WLS: variants seen among roughly 807,000 people sequenced by gnomAD.
WLS encodes protein wntless homolog.
A neutral mutation model predicts 62.8 loss-of-function variants in WLS; 23 were observed. The observed-to-expected ratio is 0.37, with a 90% confidence interval of 0.26 to 0.52. WLS has a LOEUF of 0.52. Among genes scored for constraint, WLS ranks in the 20% least tolerant of loss-of-function variants. The pLI, the probability that WLS is intolerant of heterozygous loss-of-function variation, is 0.92. For missense variants in WLS, 615 were observed against 697.3 expected (o/e 0.88, Z 1.33); for synonymous variants, 246 against 244.1 (o/e 1.01, Z -0.07).
chr1:68,200,582 T>C (rs1375251138), intron 1 of WLS, among the ~76,000 whole-genome samples: 8 of 150,108 alleles, frequency 5.3e-5, no homozygotes, highest in African/African-American at 5.0e-5. Context: ...TTTTTTTTTT[T>C]CCAGCTATTG....
At chr1:68,116,834 GC>G (rs1646298724) in intron 11 of WLS, among the ~76,000 whole-genome samples, 1 of 152,052 alleles carries the variant, frequency 6.6e-6, no homozygotes, top group South Asian at 2.1e-4. Flanking sequence ...GTTTATCTTG[GC>G]CAGCAGAGGG....
intron 2 of WLS, chr1:68,183,435 T>G: frequency 2.3e-6 from 1 of 425,726 alleles, no homozygotes; most frequent in Non-Finnish European, 4.8e-6. Flanking sequence ...GCAGGGATAG[T>G]TCTTATAGTG....
rs1239289059 is a variant in WLS, at chr1:68,155,120, C to T, written c.645G>A (p.Glu215=). The change falls in exon 4 of 12, where the codon GAG becomes GAA. Residue 215 remains glutamate (E), a synonymous_variant. Coordinates refer to ENST00000262348, the MANE Select transcript of WLS (RefSeq NM_024911.7). ...EKKKINVGIG[E]IKDIRLVGIH... ...TTACCACCAACCGGATATCCTTTAT[C>T]TCCCCAATTCCCACATTGATTTTCT... 6.2e-7 allele frequency: 1 copy of T among 1,613,870 alleles called. No homozygotes were observed. The highest frequency in any genetic ancestry group is 1.7e-5 in the Admixed American group (1 of 59,998).
At chr1:68,142,962 C>T (rs1646705421) in intron 10 of WLS, 1 of 152,110 alleles carries the variant, frequency 6.6e-6, no homozygotes, top group African/African-American at 2.4e-5. Context: ...GTTAGTACTA[C>T]TGTGATTTTC....
At chr1:68,187,250 AT>A (rs956012585) in intron 2 of WLS, among the ~76,000 whole-genome samples, 22 of 149,520 alleles carry the variant, frequency 1.5e-4, no homozygotes, top group Non-Finnish European at 2.5e-4. Flanking sequence ...CATGAAAAGT[AT>A]TTTTTGGTGT....
chr1:68,221,919 G>A (rs1354671375), intron 1 of WLS, among the ~76,000 whole-genome samples: 1 of 152,144 alleles, frequency 6.6e-6, no homozygotes, highest in Non-Finnish European at 1.5e-5. Context: ...GCCTTATTTT[G>A]GCAATGTGAA....
chr1:68,162,811 TTTTC>T, intron 2 of WLS: 1 of 1,247,504 alleles, frequency 8.0e-7, no homozygotes, highest in Non-Finnish European at 1.2e-6. Context: ...GGCCTTAAAC[TTTTC>T]TAGGTCCTCC....
At chr1:68,161,743 G>A (rs150861303) in intron 2 of WLS, 42,616 of 1,567,436 alleles carry the variant, frequency 0.027, 710 homozygotes, top group Middle Eastern at 0.064. Flanking sequence ...ATTACCTTCC[G>A]GCATTCTCTG....
intron 1 of WLS, among the ~76,000 whole-genome samples, chr1:68,223,963 C>T (rs1358125069): frequency 6.6e-6 from 1 of 152,218 alleles, no homozygotes; most frequent in Non-Finnish European, 1.5e-5. Flanking sequence ...AAAACTGAGT[C>T]AACCATTTAC....
At chr1:68,162,711 C>A in intron 2 of WLS, 4 of 1,195,604 alleles carry the variant, frequency 3.3e-6, no homozygotes, top group Non-Finnish European at 5.0e-6. Flanking sequence ...CGGCTGCAGA[C>A]GGGATATTGC....
chr1:68,217,843 C>T (rs1333873720), intron 1 of WLS, among the ~76,000 whole-genome samples: 1 of 152,202 alleles, frequency 6.6e-6, no homozygotes, highest in Non-Finnish European at 1.5e-5. Flanking sequence ...CCACCGCCCC[C>T]TGCTTCATTA....
chr1:68,127,532 A>C (rs1235901861), intron 11 of WLS, among the ~76,000 whole-genome samples: 2 of 151,842 alleles, frequency 1.3e-5, no homozygotes, highest in Non-Finnish European at 2.9e-5. Flanking sequence ...ATGTATAAAC[A>C]ACAAAGGGAA....
At chr1:68,138,321 G>A (rs565514938) in intron 10 of WLS, 4 of 203,862 alleles carry the variant, frequency 2.0e-5, no homozygotes, top group Non-Finnish European at 4.0e-5. Flanking sequence ...CCTGCAGGCA[G>A]AGACCAGTTC....
intron 11 of WLS, among the ~76,000 whole-genome samples, chr1:68,117,137 C>T (rs1457463958): frequency 6.6e-6 from 1 of 152,092 alleles, no homozygotes; most frequent in Non-Finnish European, 1.5e-5. Flanking sequence ...CATATTTCCC[C>T]CTGCCCCCAC....
chr1:68,224,114 T>C (rs1650043804), intron 1 of WLS, among the ~76,000 whole-genome samples: 1 of 152,220 alleles, frequency 6.6e-6, no homozygotes, highest in Non-Finnish European at 1.5e-5. Context: ...CCCAGGGAAT[T>C]AACCAGATGT....
At chr1:68,107,298 T>C (rs372551842) in intron 11 of WLS, among the ~76,000 whole-genome samples, 1 of 24,802 alleles carries the variant, frequency 4.0e-5, no homozygotes, top group African/African-American at 2.0e-4. Flanking sequence ...AATAGCTAGA[T>C]TTTTTTTTTT....
At chr1:68,109,218 T>G (rs1161210651) in intron 11 of WLS, among the ~76,000 whole-genome samples, 1 of 152,176 alleles carries the variant, frequency 6.6e-6, no homozygotes, top group African/African-American at 2.4e-5. Flanking sequence ...AAGCCTAGGG[T>G]CCCAGCAGTG....
chr1:68,200,383 A>G (rs1278710946), intron 1 of WLS, among the ~76,000 whole-genome samples: 1 of 149,372 alleles, frequency 6.7e-6, no homozygotes, highest in Non-Finnish European at 1.5e-5. Context: ...TTTATTCTCT[A>G]TCTTGTTCCA....
chr1:68,217,648 G>A (rs959410380), intron 1 of WLS, among the ~76,000 whole-genome samples: 16 of 152,244 alleles, frequency 1.1e-4, no homozygotes, highest in African/African-American at 3.4e-4. Flanking sequence ...TTAAAACTCC[G>A]GGGTCCTACA....
Sources: allele counts gnomAD v4.1 joint callset (sites outside exome capture counted in the v4.1 genomes callset), GRCh38; gene constraint gnomAD v4.1.1; transcripts MANE v1.5; gene names NCBI Gene and HGNC (gene_info 2026-07-23, HGNC 2026-07-21).